The following SERPINB11 variants were observed in gnomAD, a reference collection of about 807,000 sequenced individuals.
The protein encoded by SERPINB11 is serpin family B member 11.
SERPINB11 carries 32 observed loss-of-function variants against 36.7 expected under a neutral mutation model. The observed-to-expected ratio is 0.87, with a 90% confidence interval of 0.66 to 1.17. The LOEUF (loss-of-function observed/expected upper bound fraction) is 1.17. SERPINB11 is among the 50% of genes most tolerant of loss of function. The pLI is 0.00. For missense variants in SERPINB11, 528 were observed against 458.4 expected, an observed-to-expected ratio of 1.15 and a Z score of -1.39; for synonymous variants, 174 against 168.1, an observed-to-expected ratio of 1.04 and a Z score of -0.27.
At chr18:63,720,665 T>C (rs1914786403) in intron 6 of SERPINB11, 166 bp from the exon 7 acceptor site, 1 of 552,040 alleles carries the variant, frequency 1.8e-6, no homozygotes, top group Non-Finnish European at 3.1e-6. Flanking sequence ...ATTAAAAAAA[T>C]GGATAACCTT....
intron 4 of SERPINB11, 60 bp downstream of exon 4, chr18:63,712,753 C>T: frequency 6.4e-7 from 1 of 1,555,290 alleles, no homozygotes; most frequent in Non-Finnish European, 8.8e-7. Context: ...TTTCATACCC[C>T]AAAATTGATG....
In SERPINB11 at chr18:63,710,235, T is replaced by C; in HGVS notation, c.42T>C (p.Asp14=). The change falls in exon 2 of 8, where the codon GAT becomes GAC. Residue 14 remains aspartate, a synonymous_variant. Transcript: ENST00000544088. ...LSTANVEFCL[D]VFKELNSNNI... ...CAGCTAACGTTGAATTTTGCCTTGA[T>C]GTGTTCAAAGAGCTGAACAGTAACA... 1.2e-6 allele frequency: 2 copies of C among 1,613,094 alleles called. No individual in the cohort carries two copies. Among genetic ancestry groups the C allele is most frequent in the Non-Finnish European group, 1.7e-6 (2 of 1,179,492 alleles).
chr18:63,718,278 T>A (rs967850569), intron 5 of SERPINB11, among the ~76,000 whole-genome samples: 1 of 152,014 alleles, frequency 6.6e-6, no homozygotes, highest in Non-Finnish European at 1.5e-5. Flanking sequence ...TCTTGATCCT[T>A]TGTATTTCCA....
At chr18:63,712,127 A>T (rs1914541454) in intron 3 of SERPINB11, among the ~76,000 whole-genome samples, 1 of 152,190 alleles carries the variant, frequency 6.6e-6, no homozygotes, top group Non-Finnish European at 1.5e-5. Flanking sequence ...TTAGTGTGTG[A>T]AGTCAGTTCA....
rs953080444 is a variant in SERPINB11 at position 63,723,368 on chromosome 18, T to A, written c.1148T>A (p.Ile383Asn). Residue 383 changes from isoleucine to asparagine, a missense_variant, in exon 8 of 8, where the codon ATC becomes AAC. Coordinates refer to ENST00000544088, the MANE Select transcript of SERPINB11 (RefSeq NM_001370475.1). The part of the protein sequence containing the change: ...FFIRHTHTNT[I>N]LFCGKLASP Reference sequence around the variant, plus strand: ...ATAAGGCACACTCATACCAACACGATCCTATTCTGTGGCAAGCTTGCCTCT... The same window carrying A: ...ATAAGGCACACTCATACCAACACGAACCTATTCTGTGGCAAGCTTGCCTCT... 1 of 1,610,126 alleles carries A rather than the reference T, an allele frequency of 6.2e-7. No homozygotes were observed. The highest frequency in any genetic ancestry group is 8.5e-7 in the Non-Finnish European group (1 of 1,177,180).
chr18:63,711,430 A>T, intron 3 of SERPINB11, 36 bp downstream of exon 3: 2 of 1,436,304 alleles, frequency 1.4e-6, no homozygotes, highest in Non-Finnish European at 2.0e-6. Flanking sequence ...AATGCTCTTT[A>T]ACCTAAGAGA....
Position 63,711,325 on chromosome 18 carries a change from T to TTA in SERPINB11, c.169-10_169-9insTA, listed in dbSNP as rs747561797. 6.2e-4 allele frequency: 1,001 copies of TTA among 1,602,002 alleles called. 1 individual carries two copies. The highest frequency in any genetic ancestry group is 5.3e-4 in the Non-Finnish European group (618 of 1,170,764). On this transcript the variant is annotated splice_polypyrimidine_tract_variant and intron_variant, in intron 2 of 7. Coordinates refer to ENST00000544088, the MANE Select transcript of SERPINB11 (RefSeq NM_001370475.1). ...CTGATGCCAAAAGATCCCTTTTTTT[T>TTA]CTTTTCTAGGTGCTTCATTTTAGTC...
At chr18:63,722,353 A>G (rs1914836379) in intron 7 of SERPINB11, among the ~76,000 whole-genome samples, 1 of 152,204 alleles carries the variant, frequency 6.6e-6, no homozygotes, top group Non-Finnish European at 1.5e-5. Context: ...GGAGAGTTCA[A>G]TGCCCGAGGG....
At chr18:63,719,624 A>G (rs1007178153) in intron 5 of SERPINB11, among the ~76,000 whole-genome samples, 6 of 152,084 alleles carry the variant, frequency 3.9e-5, no homozygotes, top group Non-Finnish European at 7.4e-5. Context: ...AAAATAATAT[A>G]TTTGTGTGTA....
intron 1 of SERPINB11, among the ~76,000 whole-genome samples, chr18:63,708,180 C>T (rs746233717): frequency 1.6e-4 from 25 of 152,174 alleles, no homozygotes; most frequent in Non-Finnish European, 3.1e-4. Flanking sequence ...TGACAGGTGG[C>T]CAGGGCCAGA....
At chr18:63,709,439 G>A (rs541409666) in intron 1 of SERPINB11, among the ~76,000 whole-genome samples, 25 of 151,892 alleles carry the variant, frequency 1.6e-4, no homozygotes, top group South Asian at 1.5e-3. Flanking sequence ...GTGAAACCCC[G>A]TCTCTACCAA....
Position 63,711,371 on chromosome 18 carries a change from C to A in SERPINB11, c.205C>A (p.Pro69Thr). 1.9e-6 allele frequency: 3 copies of A among 1,610,476 alleles called. No individual in the cohort carries two copies. The highest frequency in any genetic ancestry group is 3.3e-5 in the Admixed American group (2 of 59,878). ...HFSHTVDSLKPGFKDSPKCSQ... is the reference protein window; with the variant it reads ...HFSHTVDSLKTGFKDSPKCSQ... ...TAGTCATACTGTAGACTCATTAAAA[C>A]CAGGGTTCAAGGACTCACCTAAGGT... The change falls in exon 3 of 8, where the codon CCA (proline) becomes ACA (threonine). Residue 69 changes from proline to threonine, a missense_variant. Coordinates refer to ENST00000544088, the MANE Select transcript of SERPINB11 (RefSeq NM_001370475.1).
chr18:63,712,799 G>GA, intron 4 of SERPINB11, 106 bp downstream of exon 4: 1 of 1,237,674 alleles, frequency 8.1e-7, no homozygotes, highest in Non-Finnish European at 1.1e-6. Flanking sequence ...TTATCATTAA[G>GA]AGATTGACTT....
rs1568183576 is a variant in SERPINB11, at chr18:63,709,649, A to AT, written c.-15-530_-15-529insT. 1.5e-3 allele frequency among the ~76,000 whole-genome samples: 134 copies of AT among 87,922 alleles called. 1 individual carries two copies. Among genetic ancestry groups the AT allele is most frequent in the African/African-American group, 5.9e-3 (120 of 20,226 alleles). 57.7% of individuals were successfully genotyped at this position (87,922 alleles called of 152,430 possible). ...ATAAAATAAAATAAAATAAAATAAA[A>AT]AGTAAAATAAAAATAAAAAATGTGC... On this transcript the variant is annotated intron_variant, in intron 1 of 7. Transcript: ENST00000544088.
chr18:63,717,699 T>A (rs1046457557), intron 5 of SERPINB11, among the ~76,000 whole-genome samples: 2 of 152,060 alleles, frequency 1.3e-5, no homozygotes, highest in African/African-American at 4.8e-5. Context: ...TGTCTGTTTT[T>A]TTTTCTGATA....
At position 63,723,036 on chromosome 18, in the gene SERPINB11, A is replaced by G. The variant is rs779479157; in HGVS notation, c.816A>G (p.Thr272=). The G allele has an allele frequency of 7.5e-6, 12 of 1,595,496 alleles. No homozygotes were observed. The African/African-American group carries it at 1.3e-4, about 18-fold the overall frequency. ...QLNSGTFHEW[T]SSSNMMEREV... The stretch of plus-strand genomic sequence containing the variant: ...ATTCGGGGACGTTTCATGAGTGGAC[A>G]AGCTCTTCTAACATGATGGAAAGAG... Residue 272 remains threonine, a synonymous_variant, in exon 8 of 8, where the codon ACA becomes ACG. Coordinates refer to ENST00000544088, the MANE Select transcript of SERPINB11 (RefSeq NM_001370475.1).
At chr18:63,710,985 G>T (rs1023176147) in intron 2 of SERPINB11, among the ~76,000 whole-genome samples, 2 of 152,176 alleles carry the variant, frequency 1.3e-5, no homozygotes, top group Non-Finnish European at 2.9e-5. Flanking sequence ...CACAGCCCCA[G>T]ATGGGTACTG....
rs1317017966 is a variant in SERPINB11 at position 63,723,412 on chromosome 18, G to C, written c.*13G>C. On this transcript the variant is annotated 3_prime_UTR_variant, in exon 8 of 8. Transcript: ENST00000544088. ...TGCCTCTCCCTAATCAGATGGGGTT[G>C]AGCAAGGCTCAGAGTTGCAGATGAG... 3.2e-6 allele frequency: 5 copies of C among 1,582,618 alleles called. No individual in the cohort carries two copies. The highest frequency in any genetic ancestry group is 4.3e-6 in the Non-Finnish European group (5 of 1,162,700).
intron 3 of SERPINB11, among the ~76,000 whole-genome samples, chr18:63,712,311 A>G (rs1203101135): frequency 6.6e-6 from 1 of 152,230 alleles, no homozygotes; most frequent in Non-Finnish European, 1.5e-5. Context: ...TTTGAATTAA[A>G]TCATTAGGAC....
Sources: allele counts gnomAD v4.1 joint callset (sites outside exome capture counted in the v4.1 genomes callset), GRCh38; gene constraint gnomAD v4.1.1; transcripts MANE v1.5; gene names NCBI Gene and HGNC (gene_info 2026-07-23, HGNC 2026-07-21).